The following CHST11 variants were observed in gnomAD, a reference collection of about 807,000 sequenced individuals.
CHST11 encodes C4S-1.
CHST11 carries 9 observed loss-of-function variants against 30.4 expected under a neutral mutation model. The observed-to-expected ratio is 0.30, with a 90% CI of 0.18 to 0.52. CHST11 has a LOEUF of 0.52. Among genes scored for constraint, CHST11 ranks in the 20% least tolerant of loss-of-function variants. The pLI is 0.97. For missense variants in CHST11, 348 were observed against 460.6 expected, an observed-to-expected ratio of 0.76 and a Z score of 2.24; for synonymous variants, 152 against 187.8, an observed-to-expected ratio of 0.81 and a Z score of 1.56.
chr12:104,519,669 T>C (rs2038057687), intron 1 of CHST11, among the ~76,000 whole-genome samples: 2 of 152,344 alleles, frequency 1.3e-5, no homozygotes, highest in African/African-American at 4.8e-5. Context: ...ATTATGGCCC[T>C]GCTTGATGGA....
chr12:104,466,730 A>G (rs751643913), intron 1 of CHST11, among the ~76,000 whole-genome samples: 3 of 152,244 alleles, frequency 2.0e-5, no homozygotes, highest in Non-Finnish European at 4.4e-5. Context: ...TTGGTAAAAC[A>G]TATTTGAGCA....
At chr12:104,738,882 C>T (rs145804238) in intron 2 of CHST11, among the ~76,000 whole-genome samples, 142 of 152,372 alleles carry the variant, frequency 9.3e-4, no homozygotes, top group Non-Finnish European at 1.8e-3. Flanking sequence ...GCTCCCCCAG[C>T]GCCTCAGGCT....
Position 104,497,783 on chromosome 12 carries a change from C to T in CHST11, c.118+40254C>T, listed in dbSNP as rs1320534275. Among the ~76,000 whole-genome samples, 11 of 152,112 alleles carry T rather than the reference C, an allele frequency of 7.2e-5. No homozygotes were observed. The South Asian group carries it at 1.7e-3, about 23-fold the overall frequency. On this transcript the variant is annotated intron_variant, in intron 1 of 2. Coordinates refer to ENST00000303694, the MANE Select transcript of CHST11 (RefSeq NM_018413.6). ...GTGACATGGACTGGAGAGAGGGGAC[C>T]GGATGGTAACAGTGTGATCAGCCTG...
intron 1 of CHST11, among the ~76,000 whole-genome samples, chr12:104,515,015 G>A (rs1211284478): frequency 6.6e-6 from 1 of 152,106 alleles, no homozygotes; most frequent in East Asian, 1.9e-4. Context: ...GTTTTAATGT[G>A]GTGTCGTATT....
At chr12:104,575,153 A>G (rs1008724414) in intron 1 of CHST11, among the ~76,000 whole-genome samples, 1 of 151,982 alleles carries the variant, frequency 6.6e-6, no homozygotes, top group Admixed American at 6.6e-5. Flanking sequence ...AGACTGTGCC[A>G]CTGCACCCCA....
At chr12:104,705,346 G>C (rs909104965) in intron 2 of CHST11, among the ~76,000 whole-genome samples, 1 of 152,130 alleles carries the variant, frequency 6.6e-6, no homozygotes, top group Non-Finnish European at 1.5e-5. Context: ...CTCTAGAATG[G>C]GAATGATAGT....
rs10622882 is a variant in CHST11, at chr12:104,637,302, T to TAAAAAAAAAAAAAAAAA, written c.204+35328_204+35344dup. On this transcript the variant is annotated intron_variant, in intron 2 of 2. Transcript: ENST00000303694. ...CCTGGGCCATGGGAGTGAGACCCTG[T>TAAAAAAAAAAAAAAAAA]AAAAAAAAAAAAAAAAAAAAAAAAA... 1.8e-4 allele frequency among the ~76,000 whole-genome samples: 11 copies of TAAAAAAAAAAAAAAAAA among 62,592 alleles called. 1 individual carries two copies. Among genetic ancestry groups the TAAAAAAAAAAAAAAAAA allele is most frequent in the Admixed American group, 6.2e-4 (3 of 4,874 alleles). The allele number at this position is 62,592 out of a possible 152,430, so 41.1% of individuals were successfully genotyped here.
chr12:104,579,537 C>G (rs1024600616), intron 1 of CHST11, among the ~76,000 whole-genome samples: 1 of 152,142 alleles, frequency 6.6e-6, no homozygotes, highest in African/African-American at 2.4e-5. Flanking sequence ...AACAGGCATT[C>G]GTTATTATCA....
intron 1 of CHST11, among the ~76,000 whole-genome samples, chr12:104,564,750 C>T (rs11112101): frequency 0.021 from 3,126 of 152,230 alleles, 152 homozygotes; most frequent in East Asian, 0.17. Context: ...AAGAAATACC[C>T]GAGACTGGGT....
intron 2 of CHST11, among the ~76,000 whole-genome samples, chr12:104,697,303 GT>G (rs2136111114): frequency 6.6e-6 from 1 of 152,314 alleles, no homozygotes; most frequent in African/African-American, 2.4e-5. Flanking sequence ...CTGTGAGGGT[GT>G]TTCTGGAAGA....
intron 2 of CHST11, among the ~76,000 whole-genome samples, chr12:104,656,361 C>T (rs1254380168): frequency 6.6e-6 from 1 of 152,192 alleles, no homozygotes; most frequent in Non-Finnish European, 1.5e-5. Context: ...GCATCAGGCT[C>T]CCTACTGCTG....
intron 2 of CHST11, among the ~76,000 whole-genome samples, chr12:104,640,378 A>G (rs1266442603): frequency 6.6e-6 from 1 of 152,226 alleles, no homozygotes; most frequent in Non-Finnish European, 1.5e-5. Context: ...CATCCATACA[A>G]CAGAATATTA....
chr12:104,636,894 CTGGAA>C (rs1404616973), intron 2 of CHST11, among the ~76,000 whole-genome samples: 1 of 151,634 alleles, frequency 6.6e-6, no homozygotes, highest in Non-Finnish European at 1.5e-5. Flanking sequence ...CACCCCTGTA[CTGGAA>C]TAGATGATCT....
intron 2 of CHST11, among the ~76,000 whole-genome samples, chr12:104,696,672 A>C (rs1272330802): frequency 1.3e-5 from 2 of 152,160 alleles, no homozygotes; most frequent in East Asian, 3.9e-4. Context: ...TCTCAAAAAA[A>C]GAATAAAATA....
intron 1 of CHST11, among the ~76,000 whole-genome samples, chr12:104,571,129 G>C (rs57895815): frequency 0.047 from 7,137 of 152,008 alleles, 281 homozygotes; most frequent in African/African-American, 0.1. Flanking sequence ...GCTAGCAGGT[G>C]GTGGACTCAG....
chr12:104,654,824 CTATT>C (rs1288923359), intron 2 of CHST11, among the ~76,000 whole-genome samples: 4 of 152,176 alleles, frequency 2.6e-5, no homozygotes, highest in Non-Finnish European at 5.9e-5. Context: ...CCCCTGCTTT[CTATT>C]TATTTCCACT....
intron 1 of CHST11, among the ~76,000 whole-genome samples, chr12:104,596,952 G>C (rs1285110216): frequency 6.6e-6 from 1 of 152,148 alleles, no homozygotes; most frequent in Non-Finnish European, 1.5e-5. Flanking sequence ...ATGCGTGAGA[G>C]GCAAGTTCCT....
intron 1 of CHST11, among the ~76,000 whole-genome samples, chr12:104,521,744 A>G (rs950817226): frequency 2.0e-5 from 3 of 152,190 alleles, no homozygotes; most frequent in Admixed American, 6.5e-5. Flanking sequence ...CTTTGATTCT[A>G]TGCCCACTGA....
chr12:104,482,938 G>T (rs1408645073), intron 1 of CHST11, among the ~76,000 whole-genome samples: 1 of 152,116 alleles, frequency 6.6e-6, no homozygotes, highest in Non-Finnish European at 1.5e-5. Context: ...ACTTGGCCCG[G>T]AGTCAGCATG....
Sources: allele counts gnomAD v4.1 joint callset (sites outside exome capture counted in the v4.1 genomes callset), GRCh38; gene constraint gnomAD v4.1.1; transcripts MANE v1.5; gene names NCBI Gene and HGNC (gene_info 2026-07-23, HGNC 2026-07-21).